The following ANKDD1B variants were observed in gnomAD, a reference collection of about 807,000 sequenced individuals.
ANKDD1B encodes ankyrin repeat and death domain-containing protein 1B.
A neutral mutation model predicts 59.7 loss-of-function variants in ANKDD1B; 57 were observed. The ratio of observed to expected loss-of-function variants is 0.95; its 90% CI spans 0.77 to 1.19. ANKDD1B has a LOEUF of 1.19. ANKDD1B is among the 50% of genes most tolerant of loss of function. ANKDD1B has a pLI of 0.00. For synonymous variants in ANKDD1B, 216 were observed against 239.5 expected, an observed-to-expected ratio of 0.90 and a Z score of 0.91; for missense variants, 602 against 641.9, an observed-to-expected ratio of 0.94 and a Z score of 0.67.
At chr5:75,623,201 G>T (rs930593604) in intron 3 of ANKDD1B, among the ~76,000 whole-genome samples, 1 of 152,064 alleles carries the variant, frequency 6.6e-6, no homozygotes. Flanking sequence ...AAGTAGCTGG[G>T]ATTACAGGCA....
intron 3 of ANKDD1B, 117 bp from the exon 4 acceptor site, chr5:75,625,530 A>G: frequency 1.3e-6 from 1 of 750,388 alleles, no homozygotes; most frequent in Admixed American, 2.7e-5. Flanking sequence ...TGCATATTAA[A>G]TTCTCTATTT....
intron 12 of ANKDD1B, among the ~76,000 whole-genome samples, chr5:75,667,699 C>T (rs1157653998): frequency 6.6e-6 from 1 of 152,162 alleles, no homozygotes; most frequent in Non-Finnish European, 1.5e-5. Context: ...TGGCATTAAT[C>T]AACTAATTAG....
intron 8 of ANKDD1B, among the ~76,000 whole-genome samples, chr5:75,654,548 T>C (rs1029905191): frequency 4.6e-5 from 7 of 152,094 alleles, no homozygotes; most frequent in Admixed American, 3.9e-4. Context: ...AGCACAGTGG[T>C]GCATGCCTGT....
chr5:75,669,939 G>T (rs1386323527), intron 13 of ANKDD1B, among the ~76,000 whole-genome samples: 1 of 152,214 alleles, frequency 6.6e-6, no homozygotes, highest in Non-Finnish European at 1.5e-5. Flanking sequence ...ATTAGGCGGT[G>T]TTGTAGCTCT....
At chr5:75,612,577 T>C (rs1773599830) in intron 1 of ANKDD1B, among the ~76,000 whole-genome samples, 1 of 152,146 alleles carries the variant, frequency 6.6e-6, no homozygotes, top group Admixed American at 6.5e-5. Flanking sequence ...TCAGTCATTC[T>C]AGAACTATTT....
chr5:75,611,663 A>G lies in ANKDD1B; in HGVS notation c.29A>G (p.Gln10Arg). MDPAGRARG[Q>R]GATAGGLLLR... is the part of the protein sequence containing the mutation. ...GACCCCGCCGGGCGCGCCCGGGGCC[A>G]AGGGGCCACGGCAGGGGGGCTGCTG... is the stretch of plus-strand genomic sequence containing the variant. The change falls in exon 1 of 14, where the codon CAA becomes CGA. Residue 10 changes from glutamine (Q) to arginine (R), a missense_variant. Transcript: ENST00000601380. 8.1e-7 allele frequency: 1 copy of G among 1,231,330 alleles called. No individual in the cohort carries two copies. The highest frequency in any genetic ancestry group is 3.2e-5 in the East Asian group (1 of 31,620). The allele number at this position is 1,231,330 out of a possible 1,614,324, so 76.3% of individuals were successfully genotyped here.
intron 2 of ANKDD1B, among the ~76,000 whole-genome samples, chr5:75,619,301 C>T (rs1773788382): frequency 6.6e-6 from 1 of 152,188 alleles, no homozygotes; most frequent in Admixed American, 6.5e-5. Flanking sequence ...CAGCAACTGC[C>T]TAAGACTGGC....
chr5:75,635,824 A>G lies in ANKDD1B; in HGVS notation c.740A>G (p.His247Arg). ...TTGCACCTCGCTGCGAAGCATGGTC[A>G]CAGTCCTGCAGTGCAGGTGCTGCTA... ...TALHLAAKHG[H>R]SPAVQVLLAQ... The change falls in exon 7 of 14, where the codon CAC (histidine) becomes CGC (arginine). Residue 247 changes from histidine (H) to arginine (R), a missense_variant. Around this residue, in one of 3 missense-constraint regions of ANKDD1B, gnomAD observed 317 missense variants for 304.6 expected, o/e 1.04. Coordinates refer to ENST00000601380, the MANE Select transcript of ANKDD1B (RefSeq NM_001276713.2). 6.5e-7 allele frequency: 1 copy of G among 1,533,902 alleles called. No individual in the cohort carries two copies. The highest frequency in any genetic ancestry group is 8.7e-7 in the Non-Finnish European group (1 of 1,145,390).
rs938013181 is a variant in ANKDD1B, at chr5:75,611,737, G to A, written c.103G>A (p.Ala35Thr). 4 of 1,231,964 alleles carry A rather than the reference G, an allele frequency of 3.2e-6. No individual in the cohort carries two copies. Among genetic ancestry groups the A allele is most frequent in the Non-Finnish European group, 4.0e-6 (4 of 988,078 alleles). 76.3% of individuals were successfully genotyped at this position (1,231,964 alleles called of 1,614,324 possible). Residue 35 changes from alanine to threonine, a missense_variant, in exon 1 of 14, where the codon GCG becomes ACG. Around this residue, in one of 3 missense-constraint regions of ANKDD1B, gnomAD observed 317 missense variants for 304.6 expected, o/e 1.04. Transcript: ENST00000601380. ...GGGTCTCAGGGAAGACCTGTGGGGC[G>A]CGGCCGCCCTGCCTTGGAGGAGCCT... is the stretch of plus-strand genomic sequence containing the variant. ...AKGLREDLWG[A>T]AALPWRSLSR...
In ANKDD1B at chr5:75,663,451, A is replaced by G; in HGVS notation, c.1153A>G (p.Met385Val). Residue 385 changes from methionine (M) to valine (V), a missense_variant, in exon 11 of 14, where the codon ATG becomes GTG. Met to Val is a conservative substitution (Grantham distance 21). Coordinates refer to ENST00000601380, the MANE Select transcript of ANKDD1B (RefSeq NM_001276713.2). ...GAGCAACCATAGCCTTGTCGTGGGC[A>G]TGCTCATTAAAGCAGAGAGATACTA... ...SRSNHSLVVG[M>V]LIKAERYYAW... 9.1e-6 allele frequency: 14 copies of G among 1,536,426 alleles called. No homozygotes were observed. Among genetic ancestry groups the G allele is most frequent in the Non-Finnish European group, 1.2e-5 (14 of 1,146,952 alleles).
intron 8 of ANKDD1B, among the ~76,000 whole-genome samples, chr5:75,655,233 G>A (rs1210714823): frequency 5.9e-5 from 9 of 152,144 alleles, no homozygotes; most frequent in Admixed American, 4.6e-4. Flanking sequence ...GAGAGGGGCC[G>A]GGGGCTCCAT....
intron 8 of ANKDD1B, among the ~76,000 whole-genome samples, chr5:75,655,352 C>T (rs978464795): frequency 8.5e-5 from 13 of 152,276 alleles, no homozygotes; most frequent in African/African-American, 2.6e-4. Flanking sequence ...GCGGGGAGAG[C>T]TGAGCATGAG....
At chr5:75,630,056 C>G (rs1047760330) in intron 5 of ANKDD1B, among the ~76,000 whole-genome samples, 3 of 152,164 alleles carry the variant, frequency 2.0e-5, no homozygotes, top group Non-Finnish European at 4.4e-5. Context: ...GCGATTTGCC[C>G]AAGGCCTGGA....
At chr5:75,613,625 G>A (rs1184673542) in intron 1 of ANKDD1B, among the ~76,000 whole-genome samples, 2 of 152,196 alleles carry the variant, frequency 1.3e-5, no homozygotes, top group Admixed American at 6.5e-5. Flanking sequence ...AAATTACGTA[G>A]ATTAGTAAAT....
At chr5:75,659,472 C>T in intron 10 of ANKDD1B, 91 bp downstream of exon 10, 1 of 925,316 alleles carries the variant, frequency 1.1e-6, no homozygotes. Flanking sequence ...TTGGAATATC[C>T]TTTGTGAAAT....
chr5:75,663,339 G>C (rs1775208938), intron 10 of ANKDD1B, 55 bp from the exon 11 acceptor site: 1 of 1,312,586 alleles, frequency 7.6e-7, no homozygotes, highest in Non-Finnish European at 1.1e-6. Flanking sequence ...TCCAAAACTA[G>C]AGCTCCTAAT....
intron 7 of ANKDD1B, among the ~76,000 whole-genome samples, chr5:75,650,900 T>C (rs1266420732): frequency 1.3e-5 from 2 of 152,214 alleles, no homozygotes; most frequent in Non-Finnish European, 2.9e-5. Flanking sequence ...TTTTGAAGGC[T>C]TACCTGAGCC....
chr5:75,663,556 TG>T (rs529179593), intron 11 of ANKDD1B, 67 bp downstream of exon 11: 17 of 1,253,368 alleles, frequency 1.4e-5, no homozygotes, highest in Non-Finnish European at 1.6e-5. Flanking sequence ...GCAGGGGCAA[TG>T]GGGGGGTCTG....
chr5:75,671,822 GAAAT>G lies in ANKDD1B; in HGVS notation c.*787_*790del, dbSNP rs534181489. ...ATTATTTTTGTAATCTAAGAGTTAT[GAAAT>G]AAATGTAAAATTGAGTGTCAGTTTA... is the stretch of plus-strand genomic sequence containing the variant. On this transcript the variant is annotated 3_prime_UTR_variant, in exon 14 of 14. Transcript: ENST00000601380. 607 of 129,822 alleles carry G rather than the reference GAAAT, an allele frequency of 4.7e-3. 5 individuals are homozygous for G. Among genetic ancestry groups the G allele is most frequent in the African/African-American group, 0.016 (567 of 35,290 alleles). 8.0% of individuals were successfully genotyped at this position (129,822 alleles called of 1,614,324 possible).
Sources: gnomAD v4.1 joint callset for allele counts (sites outside exome capture counted in the v4.1 genomes callset) on GRCh38, gnomAD v4.1.1 for gene constraint, gnomAD v4.1.1 regional missense constraint, MANE v1.5 for transcripts, NCBI Gene and HGNC (gene_info 2026-07-23, HGNC 2026-07-21) for gene names.